The following SEMA4F variants were observed in gnomAD, a reference collection of about 807,000 sequenced individuals.
SEMA4F encodes the protein semaphorin-4F.
Under a neutral mutation model 78.4 loss-of-function variants are expected in SEMA4F, and 51 were observed. The observed-to-expected ratio is 0.65, with a 90% CI of 0.52 to 0.82. SEMA4F has a LOEUF of 0.82. Ranked by LOEUF, SEMA4F falls within the 40% of genes least tolerant of loss-of-function variation. The pLI, the probability that SEMA4F is intolerant of heterozygous loss-of-function variation, is 0.00. For missense variants in SEMA4F, 938 were observed against 1,014.4 expected, an observed-to-expected ratio of 0.92 and a Z score of 1.02; for synonymous variants, 418 against 408.7, an observed-to-expected ratio of 1.02 and a Z score of -0.27.
chr2:74,679,259 C>G lies in SEMA4F; in HGVS notation c.1644-17C>G. ...GAATGTTCACACTGGATTTACCAAG[C>G]ATTCTCTTCTTTATAGGTTGGTCCA... On this transcript the variant is annotated splice_polypyrimidine_tract_variant and intron_variant, in intron 12 of 13. Transcript: ENST00000357877. The G allele has an allele frequency of 6.2e-7, 1 of 1,601,580 alleles. No individual in the cohort carries two copies. The highest frequency in any genetic ancestry group is 8.6e-7 in the Non-Finnish European group (1 of 1,168,570).
chr2:74,696,933 C>T, the SEMA4F span, among the ~76,000 whole-genome samples: 1 of 152,186 alleles, frequency 6.6e-6, no homozygotes, highest in Non-Finnish European at 1.5e-5. Context: ...TAATCTTTTG[C>T]TCTTACAACC....
the SEMA4F span, among the ~76,000 whole-genome samples, chr2:74,694,974 G>T: frequency 6.6e-6 from 1 of 152,230 alleles, no homozygotes; most frequent in African/African-American, 2.4e-5. Flanking sequence ...AATTATGAAT[G>T]AAGCTGTTAT....
At chr2:74,666,203 G>A (rs983387511) in intron 5 of SEMA4F, among the ~76,000 whole-genome samples, 4 of 152,152 alleles carry the variant, frequency 2.6e-5, no homozygotes, top group African/African-American at 9.7e-5. Context: ...ACTGCACCTG[G>A]CCTCAAGCAG....
downstream of SEMA4F, among the ~76,000 whole-genome samples, chr2:74,688,417 T>C (rs1317786460): frequency 6.6e-6 from 1 of 152,230 alleles, no homozygotes; most frequent in African/African-American, 2.4e-5. Flanking sequence ...GGTATTTCAT[T>C]TGCAATACTT....
chr2:74,689,053 G>A, the SEMA4F span, among the ~76,000 whole-genome samples: 237 of 152,200 alleles, frequency 1.6e-3, no homozygotes, highest in Non-Finnish European at 2.8e-3. Flanking sequence ...TTTGAAAGGC[G>A]CTATTGTTAA....
downstream of SEMA4F, among the ~76,000 whole-genome samples, chr2:74,687,350 TC>T (rs1182386793): frequency 6.6e-6 from 1 of 152,214 alleles, no homozygotes; most frequent in East Asian, 1.9e-4. Context: ...CCCAGTTACT[TC>T]CTATCACATC....
intron 5 of SEMA4F, among the ~76,000 whole-genome samples, chr2:74,665,638 A>T (rs1403672421): frequency 2.0e-5 from 3 of 152,176 alleles, no homozygotes; most frequent in African/African-American, 7.2e-5. Flanking sequence ...CAATATTTTG[A>T]GTTGTCATGA....
At chr2:74,705,426 C>T in the SEMA4F span, among the ~76,000 whole-genome samples, 2 of 152,188 alleles carry the variant, frequency 1.3e-5, no homozygotes, top group East Asian at 3.8e-4. Flanking sequence ...TAAGTAGAGA[C>T]ATCCCTGTAT....
chr2:74,674,746 G>T, intron 8 of SEMA4F, 70 bp downstream of exon 8: 1 of 1,575,096 alleles, frequency 6.3e-7, no homozygotes, highest in Non-Finnish European at 8.6e-7. Flanking sequence ...TGTCAGTGTT[G>T]TCTCTTCCAG....
intron 12 of SEMA4F, 88 bp from the exon 13 acceptor site, chr2:74,679,188 T>G (rs1685441198): frequency 1.0e-6 from 1 of 991,284 alleles, no homozygotes. Context: ...TGATGGGAGA[T>G]ATATTGAATG....
At chr2:74,678,325 C>G (rs1049152514) in intron 12 of SEMA4F, among the ~76,000 whole-genome samples, 5 of 152,122 alleles carry the variant, frequency 3.3e-5, no homozygotes, top group Non-Finnish European at 7.4e-5. Flanking sequence ...GCCCATACCT[C>G]AGTTCATCCA....
At chr2:74,657,423 C>G (rs1325929440) in intron 2 of SEMA4F, 142 bp from the exon 3 acceptor site, 1 of 647,358 alleles carries the variant, frequency 1.5e-6, no homozygotes, top group African/African-American at 1.8e-5. Context: ...GGGTGGGGAC[C>G]TCCATTTGAA....
chr2:74,675,434 G>A (rs528956157), intron 10 of SEMA4F, 50 bp downstream of exon 10: 31 of 1,593,570 alleles, frequency 1.9e-5, no homozygotes, highest in Admixed American at 6.7e-5. Flanking sequence ...ACACATTCTC[G>A]TCACAGAGAG....
At chr2:74,678,780 G>GAGTTCCTTTGTAGAGACA (rs1685422337) in intron 12 of SEMA4F, among the ~76,000 whole-genome samples, 1 of 152,150 alleles carries the variant, frequency 6.6e-6, no homozygotes, top group Non-Finnish European at 1.5e-5. Context: ...CACTATTGAA[G>GAGTTCCTTTGTAGAGACA]AGTTCCTTTG....
chr2:74,699,710 G>C, the SEMA4F span, among the ~76,000 whole-genome samples: 1 of 152,194 alleles, frequency 6.6e-6, no homozygotes, highest in Non-Finnish European at 1.5e-5. Context: ...TGGAGAAGGA[G>C]CGGTTGGAGA....
chr2:74,667,482 A>G (rs1684753491), intron 5 of SEMA4F, among the ~76,000 whole-genome samples: 1 of 152,226 alleles, frequency 6.6e-6, no homozygotes, highest in Admixed American at 6.5e-5. Context: ...GACCTCCTAC[A>G]AAGTCCAGTA....
At chr2:74,706,220 A>G in the SEMA4F span, among the ~76,000 whole-genome samples, 3 of 152,190 alleles carry the variant, frequency 2.0e-5, no homozygotes, top group South Asian at 6.2e-4. Flanking sequence ...GTTTACAGAT[A>G]AGGGAACTGA....
Position 74,662,716 on chromosome 2 carries a change from C to G in SEMA4F, c.457-16C>G. 1.2e-6 allele frequency: 2 copies of G among 1,608,922 alleles called. No homozygotes were observed. Among genetic ancestry groups the G allele is most frequent in the South Asian group, 2.2e-5 (2 of 90,956 alleles). On this transcript the variant is annotated splice_polypyrimidine_tract_variant and intron_variant, in intron 4 of 13. Coordinates refer to ENST00000357877, the MANE Select transcript of SEMA4F (RefSeq NM_004263.5). ...CCCTATGACCCCTAAACCAATTGCC[C>G]CCTTCTGGTCTATAGGATGTGTCCA... is the stretch of plus-strand genomic sequence containing the variant.
chr2:74,708,711 C>G, the SEMA4F span, among the ~76,000 whole-genome samples: 1 of 152,152 alleles, frequency 6.6e-6, no homozygotes, highest in African/African-American at 2.4e-5. Flanking sequence ...AAAATCTCAA[C>G]TTGAATGAGA....
Sources: gnomAD v4.1 joint callset for allele counts (sites outside exome capture counted in the v4.1 genomes callset) on GRCh38, gnomAD v4.1.1 for gene constraint, MANE v1.5 for transcripts, NCBI Gene and HGNC (gene_info 2026-07-23, HGNC 2026-07-21) for gene names.